Variants in CALN1 observed in about 807,000 individuals in gnomAD.
CALN1 encodes calcium-binding protein 8.
A neutral mutation model predicts 30.6 loss-of-function variants in CALN1; 17 were observed. The observed-to-expected ratio is 0.56, with a 90% CI of 0.38 to 0.83. CALN1 has a LOEUF of 0.83. Among genes scored for constraint, CALN1 ranks in the 40% least tolerant of loss-of-function variants. CALN1 has a pLI of 0.00. For missense variants in CALN1, 291 were observed against 354.9 expected, an observed-to-expected ratio of 0.82 and a Z score of 1.45; for synonymous variants, 156 against 131.4, an observed-to-expected ratio of 1.19 and a Z score of -1.28.
chr7:72,303,742 G>C (rs1177620989), intron 2 of CALN1, among the ~76,000 whole-genome samples: 1 of 151,954 alleles, frequency 6.6e-6, no homozygotes, highest in African/African-American at 2.4e-5. Flanking sequence ...GGGTGTGCTG[G>C]CTCACATCTG....
intron 3 of CALN1, among the ~76,000 whole-genome samples, chr7:72,160,357 C>T (rs1788015409): frequency 6.6e-6 from 1 of 151,698 alleles, no homozygotes; most frequent in South Asian, 2.1e-4. Context: ...AGTGCCACTG[C>T]AACCTCCAGC....
chr7:72,231,423 G>A (rs1297041010), intron 3 of CALN1, among the ~76,000 whole-genome samples: 4 of 152,158 alleles, frequency 2.6e-5, no homozygotes, highest in Admixed American at 6.5e-5. Flanking sequence ...TGAGGATAAC[G>A]GCTTCCAGCT....
At position 71,785,048 on chromosome 7, in the gene CALN1, G is replaced by C. The variant is rs754817579; in HGVS notation, c.*2727C>G. ...CAAACTCTGAGCTCCTGAAGTCTAAGGAATGCCGCTAGCTCAGGGCCGTCT... is the reference window on the plus strand; with the variant it reads ...CAAACTCTGAGCTCCTGAAGTCTAACGAATGCCGCTAGCTCAGGGCCGTCT... On this transcript the variant is annotated 3_prime_UTR_variant, in exon 7 of 7. Coordinates refer to ENST00000395275, the MANE Select transcript of CALN1 (RefSeq NM_031468.4). 1.3e-4 allele frequency: 53 copies of C among 395,082 alleles called. No individual in the cohort carries two copies. The highest frequency in any genetic ancestry group is 1.9e-4 in the Non-Finnish European group (43 of 224,538). The allele number at this position is 395,082 out of a possible 1,614,324, so 24.5% of individuals were successfully genotyped here.
At chr7:71,944,636 A>G (rs1796316913) in intron 5 of CALN1, among the ~76,000 whole-genome samples, 1 of 150,544 alleles carries the variant, frequency 6.6e-6, no homozygotes, top group Non-Finnish European at 1.5e-5. Context: ...ACATTTCTGA[A>G]TTTATGTAAT....
At chr7:72,314,250 T>A (rs1460541085) in intron 2 of CALN1, among the ~76,000 whole-genome samples, 1 of 152,116 alleles carries the variant, frequency 6.6e-6, no homozygotes, top group Non-Finnish European at 1.5e-5. Context: ...TTCCAGCACT[T>A]TCCCAGGGCA....
chr7:71,834,217 C>CAAAA (rs11313802), intron 5 of CALN1, among the ~76,000 whole-genome samples: 23 of 48,292 alleles, frequency 4.8e-4, no homozygotes, highest in African/African-American at 1.6e-3. Context: ...GACTCCATCT[C>CAAAA]AAAAAAAAAA....
In CALN1 at chr7:72,096,615, T is replaced by A. The variant is rs182174548; in HGVS notation, c.388+9536A>T. Among the ~76,000 whole-genome samples, 21 of 152,292 alleles carry A rather than the reference T, an allele frequency of 1.4e-4. 1 individual carries two copies. The East Asian group carries it at 4.1e-3, about 29-fold the overall frequency. On this transcript the variant is annotated intron_variant, in intron 4 of 6. Coordinates refer to ENST00000395275, the MANE Select transcript of CALN1 (RefSeq NM_031468.4). ...TGCCAAGAACGCTTCCTGGTTCGACTGTTTCAGGAAAGCATTTGCAAAGCT... is the reference window on the plus strand; with the variant it reads ...TGCCAAGAACGCTTCCTGGTTCGACAGTTTCAGGAAAGCATTTGCAAAGCT...
intron 3 of CALN1, among the ~76,000 whole-genome samples, chr7:72,176,424 C>A (rs1211262879): frequency 6.6e-6 from 1 of 152,106 alleles, no homozygotes; most frequent in Non-Finnish European, 1.5e-5. Flanking sequence ...GAGGTGACGC[C>A]TGCTTGGAGG....
intron 2 of CALN1, among the ~76,000 whole-genome samples, chr7:72,354,788 A>T (rs1803126203): frequency 6.6e-6 from 1 of 152,242 alleles, no homozygotes; most frequent in Admixed American, 6.5e-5. Flanking sequence ...CTATAGGCAA[A>T]GATTAACTCC....
At chr7:72,188,186 A>T (rs534213318) in intron 3 of CALN1, among the ~76,000 whole-genome samples, 3 of 151,446 alleles carry the variant, frequency 2.0e-5, no homozygotes, top group South Asian at 4.1e-4. Context: ...TGTTTACAGC[A>T]GCACGATTTG....
chr7:72,043,276 A>G (rs1013848827), intron 4 of CALN1, among the ~76,000 whole-genome samples: 5 of 152,202 alleles, frequency 3.3e-5, no homozygotes, highest in African/African-American at 1.2e-4. Flanking sequence ...GGTCAAAGTA[A>G]AACAAAGGTC....
At chr7:72,095,302 C>G (rs1213442092) in intron 4 of CALN1, among the ~76,000 whole-genome samples, 1 of 152,058 alleles carries the variant, frequency 6.6e-6, no homozygotes, top group African/African-American at 2.4e-5. Flanking sequence ...CATGCATTAG[C>G]TAGTATTATT....
chr7:72,025,750 AAG>A (rs1801014322), intron 4 of CALN1, among the ~76,000 whole-genome samples: 1 of 152,184 alleles, frequency 6.6e-6, no homozygotes, highest in South Asian at 2.1e-4. Context: ...GTCTGCACAC[AAG>A]AGTTTGTCCA....
Position 71,904,643 on chromosome 7 carries a change from G to A in CALN1, c.502-94151C>T, listed in dbSNP as rs190268849. Among the ~76,000 whole-genome samples, 270 of 152,296 alleles carry A rather than the reference G, an allele frequency of 1.8e-3. 1 individual carries two copies. Among genetic ancestry groups the A allele is most frequent in the African/African-American group, 6.2e-3 (257 of 41,558 alleles). ...CAAGAGCTCTATCGTACAGCAAGCT[G>A]ACTATAGTCAGTGACGATAGTATTC... On this transcript the variant is annotated intron_variant, in intron 5 of 6. Transcript: ENST00000395275.
chr7:72,077,419 G>A (rs529744259), intron 4 of CALN1, among the ~76,000 whole-genome samples: 5 of 152,166 alleles, frequency 3.3e-5, no homozygotes, highest in East Asian at 1.9e-4. Context: ...GATTACAGGC[G>A]TACACCATCA....
intron 3 of CALN1, among the ~76,000 whole-genome samples, chr7:72,240,616 A>G (rs1036651808): frequency 3.9e-5 from 6 of 152,250 alleles, no homozygotes; most frequent in African/African-American, 1.4e-4. Flanking sequence ...ATTTGACTCT[A>G]AACTGCCATT....
chr7:72,347,684 A>G (rs1802718665), intron 2 of CALN1, among the ~76,000 whole-genome samples: 1 of 152,198 alleles, frequency 6.6e-6, no homozygotes, highest in Non-Finnish European at 1.5e-5. Flanking sequence ...AGTACAACTT[A>G]CAATCATTGG....
At chr7:72,008,221 T>C (rs919225902) in intron 5 of CALN1, among the ~76,000 whole-genome samples, 3 of 152,170 alleles carry the variant, frequency 2.0e-5, no homozygotes, top group East Asian at 1.9e-4. Context: ...TGACATTCTA[T>C]GATTATGCAA....
intron 4 of CALN1, among the ~76,000 whole-genome samples, chr7:72,042,975 T>C (rs915652285): frequency 1.4e-4 from 21 of 152,180 alleles, no homozygotes; most frequent in African/African-American, 4.3e-4. Flanking sequence ...TCTCAGTTCC[T>C]GAGTCATTCA....
Sources: gnomAD v4.1 joint callset for allele counts (sites outside exome capture counted in the v4.1 genomes callset) on GRCh38, gnomAD v4.1.1 for gene constraint, MANE v1.5 for transcripts, NCBI Gene and HGNC (gene_info 2026-07-23, HGNC 2026-07-21) for gene names.